RPGRIP1: variants seen among roughly 807,000 people sequenced by gnomAD.
RPGRIP1 encodes the protein X-linked retinitis pigmentosa GTPase regulator-interacting protein 1.
A neutral mutation model predicts 157.9 loss-of-function variants in RPGRIP1; 128 were observed. The ratio of observed to expected loss-of-function variants is 0.81; its 90% CI spans 0.70 to 0.94. The LOEUF is 0.94. Ranked by LOEUF, RPGRIP1 falls within the 40% of genes least tolerant of loss-of-function variation. RPGRIP1 has a pLI of 0.00. For missense variants in RPGRIP1, 1,486 were observed against 1,545.8 expected, an observed-to-expected ratio of 0.96 and a Z score of 0.65; for synonymous variants, 554 against 571.6, an observed-to-expected ratio of 0.97 and a Z score of 0.44.
At chr14:21,303,988 CA>C (rs111950080) in intron 6 of RPGRIP1, among the ~76,000 whole-genome samples, 4,259 of 129,338 alleles carry the variant, frequency 0.033, 185 homozygotes, top group African/African-American at 0.11. Flanking sequence ...AACTTGGTCT[CA>C]AAAAAAAAAA....
At chr14:21,319,583 T>C (rs564415780) in intron 11 of RPGRIP1, among the ~76,000 whole-genome samples, 13 of 151,754 alleles carry the variant, frequency 8.6e-5, no homozygotes, top group African/African-American at 3.1e-4. Flanking sequence ...CACACACACA[T>C]TGGAACACAG....
At position 21,324,974 on chromosome 14, in the gene RPGRIP1, A is replaced by G. The variant is rs372090642; in HGVS notation, c.2119A>G (p.Met707Val). 4 of 1,613,926 alleles carry G rather than the reference A, an allele frequency of 2.5e-6. No individual in the cohort carries two copies. The highest frequency in any genetic ancestry group is 2.2e-5 in the East Asian group (1 of 44,870). ...ASARLDIHQA[M>V]ASEHSTLAAG... ...AGCCCGGCTTGACATACACCAGGCC[A>G]TGGCCAGTGAACACAGCACTCTTGC... Residue 707 changes from methionine (M) to valine (V), a missense_variant, in exon 15 of 25, where the codon ATG becomes GTG. Transcript: ENST00000400017.
intron 21 of RPGRIP1, among the ~76,000 whole-genome samples, chr14:21,339,237 G>A (rs1177641586): frequency 1.3e-5 from 2 of 152,074 alleles, no homozygotes; most frequent in Non-Finnish European, 2.9e-5. Context: ...CATGAGGTCA[G>A]GAGATCGAGT....
Position 21,336,691 on chromosome 14 carries a change from A to C in RPGRIP1, c.3339+1986A>C, listed in dbSNP as rs77448075. Among the ~76,000 whole-genome samples the C allele has an allele frequency of 4.5e-4, 69 of 152,336 alleles. No individual in the cohort carries two copies. The East Asian group carries it at 0.01, about 22-fold the overall frequency. ...AATTAGATAACACTTCTATATTACC[A>C]AGGTAAAGAAGATTAAATGATGTGT... On this transcript the variant is annotated intron_variant, in intron 21 of 24. Coordinates refer to ENST00000400017, the MANE Select transcript of RPGRIP1 (RefSeq NM_020366.4).
At chr14:21,325,485 A>G in intron 16 of RPGRIP1, 102 bp downstream of exon 16, 1 of 1,136,532 alleles carries the variant, frequency 8.8e-7, no homozygotes, top group Non-Finnish European at 1.2e-6. Context: ...GTTGAATGTG[A>G]ATGAAAGAGA....
rs764156147 is a variant in RPGRIP1, at chr14:21,317,815, A to G, written c.1271A>G (p.Lys424Arg). The G allele has an allele frequency of 4.4e-6, 7 of 1,606,586 alleles. No homozygotes were observed. Among genetic ancestry groups the G allele is most frequent in the Non-Finnish European group, 5.9e-6 (7 of 1,176,570 alleles). Residue 424 changes from lysine to arginine, a missense_variant, in exon 11 of 25, where the codon AAG becomes AGG. Lys to Arg is a conservative substitution (Grantham distance 26). Transcript: ENST00000400017. ...CAGCTGGATGCTGAGCTGGAGGACA[A>G]GAGAAAAGTTTTACTTGAGCTGTCC... ...QDQLDAELED[K>R]RKVLLELSRE... is the part of the protein sequence containing the mutation.
At chr14:21,282,483 G>T (rs536711614) in intron 1 of RPGRIP1, among the ~76,000 whole-genome samples, 3 of 151,954 alleles carry the variant, frequency 2.0e-5, no homozygotes, top group African/African-American at 7.3e-5. Flanking sequence ...TGATCAGCCC[G>T]CCTCAGCCTC....
At chr14:21,302,651 G>C in intron 5 of RPGRIP1, 67 bp downstream of exon 5, 1 of 992,032 alleles carries the variant, frequency 1.0e-6, no homozygotes, top group Non-Finnish European at 1.5e-6. Flanking sequence ...ATCATTTAGG[G>C]AACAAATGAA....
chr14:21,321,607 G>A, intron 13 of RPGRIP1: 1 of 1,147,906 alleles, frequency 8.7e-7, no homozygotes, highest in East Asian at 2.6e-5. Context: ...CAGTGATGGG[G>A]CCAGCCCATG....
rs752222755 is a variant in RPGRIP1, at chr14:21,351,134, T to C, written c.3779T>C (p.Ile1260Thr). Residue 1260 changes from isoleucine (I) to threonine (T), a missense_variant, in exon 25 of 25, where the codon ATA (isoleucine) becomes ACA (threonine). By Grantham distance (89) the Ile-to-Thr change is moderately conservative. Transcript: ENST00000400017. ...AGCCCTGAAGATCTGGCTACCCCAA[T>C]AGGAAGGCTGAAGGTTTCCCTTCAA... ...IVSPEDLATP[I>T]GRLKVSLQAA... 28 of 1,612,294 alleles carry C rather than the reference T, an allele frequency of 1.7e-5. No homozygotes were observed. Among genetic ancestry groups the C allele is most frequent in the East Asian group, 2.2e-5 (1 of 44,856 alleles).
At chr14:21,348,720 C>G (rs937171462) in intron 24 of RPGRIP1, among the ~76,000 whole-genome samples, 1 of 139,672 alleles carries the variant, frequency 7.2e-6, no homozygotes, top group Non-Finnish European at 1.5e-5. Context: ...GGCTGGAGTG[C>G]AGTGGTGTGA....
rs565972637 is a variant in RPGRIP1 at position 21,338,117 on chromosome 14, C to T, written c.3339+3412C>T. On this transcript the variant is annotated intron_variant, in intron 21 of 24. Transcript: ENST00000400017. ...ATTTTTAGTAGAGATGGGGTTTCAC[C>T]GTGTTAGCCAGGATGGTCTCAATCT... 4.5e-4 allele frequency among the ~76,000 whole-genome samples: 69 copies of T among 152,008 alleles called. 1 individual carries two copies. The highest frequency in any genetic ancestry group is 3.6e-3 in the Admixed American group (55 of 15,244).
chr14:21,318,664 G>C (rs1882058282), intron 11 of RPGRIP1, among the ~76,000 whole-genome samples: 1 of 151,210 alleles, frequency 6.6e-6, no homozygotes, highest in Non-Finnish European at 1.5e-5. Flanking sequence ...TTTTAGTAGA[G>C]ACGAGGGTTC....
In RPGRIP1 at chr14:21,317,847, A is replaced by T. The variant is rs878853392; in HGVS notation, c.1303A>T (p.Lys435Ter). 1.9e-6 allele frequency: 3 copies of T among 1,603,316 alleles called. No homozygotes were observed. Among genetic ancestry groups the T allele is most frequent in the Non-Finnish European group, 2.6e-6 (3 of 1,174,320 alleles). The change falls in exon 11 of 25, where the codon AAA becomes TAA. Residue 435 changes from lysine to a stop codon, truncating the protein, a stop_gained. Transcript: ENST00000400017. LOFTEE classifies it high-confidence loss of function. ...AGTTTTACTTGAGCTGTCCAGGGAGAAAGGTAGGCTGGACCTTGAAGAGCT... is the reference window on the plus strand; with the variant it reads ...AGTTTTACTTGAGCTGTCCAGGGAGTAAGGTAGGCTGGACCTTGAAGAGCT... ...RKVLLELSRE[K>*]AQNEDLKLEV...
At position 21,303,363 on chromosome 14, in the gene RPGRIP1, G is replaced by T. The variant is rs763667727; in HGVS notation, c.620G>T (p.Ser207Ile). ...VSGSNSIISF[S>I]SVISMAKPIG... ...GGTTCTAACAGCATAATTTCTTTCA[G>T]CAGTGTCATAAGTATGGCTAAACCC... Residue 207 changes from serine (S) to isoleucine (I), a missense_variant, in exon 6 of 25, where the codon AGC becomes ATC. Physicochemically the swap from Ser to Ile is moderately radical, Grantham distance 142. Transcript: ENST00000400017. The T allele has an allele frequency of 3.7e-6, 6 of 1,613,316 alleles. No homozygotes were observed. The South Asian group carries it at 5.5e-5, about 15-fold the overall frequency.
chr14:21,304,416 A>AAAGAAAGAAAGAAAGG (rs1160497848), intron 6 of RPGRIP1, among the ~76,000 whole-genome samples: 3 of 151,164 alleles, frequency 2.0e-5, no homozygotes, highest in South Asian at 4.2e-4. Flanking sequence ...AGAAAGAAAG[A>AAAGAAAGAAAGAAAGG]AAGAAAGAAA....
chr14:21,343,793 A>G lies in RPGRIP1; in HGVS notation c.3532+565A>G, dbSNP rs565050757. Among the ~76,000 whole-genome samples, 10 of 145,466 alleles carry G rather than the reference A, an allele frequency of 6.9e-5. No individual in the cohort carries two copies. In the South Asian group the frequency reaches 2.2e-3, roughly 31 times the overall value. On this transcript the variant is annotated intron_variant, in intron 22 of 24. Coordinates refer to ENST00000400017, the MANE Select transcript of RPGRIP1 (RefSeq NM_020366.4). The stretch of plus-strand genomic sequence containing the variant: ...AGGCGTGAGCCACCAAGCCCATCCT[A>G]TCTCAGCCATTTCTTCTGTTATTTA...
intron 10 of RPGRIP1, among the ~76,000 whole-genome samples, chr14:21,314,341 C>A (rs1398028080): frequency 2.0e-5 from 3 of 152,092 alleles, no homozygotes; most frequent in Non-Finnish European, 4.4e-5. Context: ...GCCTTGGTCT[C>A]CCAAAGTGTT....
At position 21,312,422 on chromosome 14, in the gene RPGRIP1, ATCAC is replaced by A. The variant is rs747174838; in HGVS notation, c.1078-8_1078-5del. On this transcript the variant is annotated splice_polypyrimidine_tract_variant and splice_region_variant and intron_variant, in intron 9 of 24. Coordinates refer to ENST00000400017, the MANE Select transcript of RPGRIP1 (RefSeq NM_020366.4). ...TTAACATTTTATCTCAAGGGCTACT[ATCAC>A]TCTTAGTTTCAGGAGAGAGTTGAAG... 1 of 1,589,522 alleles carries A rather than the reference ATCAC, an allele frequency of 6.3e-7. No individual in the cohort carries two copies. Among genetic ancestry groups the A allele is most frequent in the East Asian group, 2.2e-5 (1 of 44,680 alleles).
Sources: gnomAD v4.1 joint callset for allele counts (sites outside exome capture counted in the v4.1 genomes callset) on GRCh38, gnomAD v4.1.1 for gene constraint, MANE v1.5 for transcripts, NCBI Gene and HGNC (gene_info 2026-07-23, HGNC 2026-07-21) for gene names.